The following ITGAL variants were observed in gnomAD, a reference collection of about 807,000 sequenced individuals.
ITGAL encodes the protein integrin subunit alpha L, also known as integrin alpha-L.
Under a neutral mutation model 138.4 loss-of-function variants are expected in ITGAL, and 68 were observed. The ratio of observed to expected loss-of-function variants is 0.49; its 90% CI spans 0.40 to 0.60. The LOEUF is 0.60. Ranked by LOEUF, ITGAL falls within the 20% of genes least tolerant of loss-of-function variation. The probability of loss-of-function intolerance (pLI) is 0.00; values close to 1 mark genes in which losing one functional copy is unlikely to be tolerated. For missense variants in ITGAL, 1,256 were observed against 1,478.6 expected (o/e 0.85, Z 2.47); for synonymous variants, 561 against 584.3 (o/e 0.96, Z 0.57).
intron 21 of ITGAL, 39 bp downstream of exon 21, chr16:30,506,895 C>G (rs909130384): frequency 1.2e-6 from 2 of 1,609,222 alleles, no homozygotes; most frequent in Admixed American, 3.4e-5. Flanking sequence ...GGCATCTGTT[C>G]GGCAGACACT....
intron 26 of ITGAL, 98 bp from the exon 27 acceptor site, chr16:30,517,551 C>G: frequency 1.0e-6 from 1 of 975,224 alleles, no homozygotes; most frequent in Non-Finnish European, 1.7e-6. Context: ...GATGTCTGAA[C>G]TCACCCAGGG....
intron 18 of ITGAL, chr16:30,505,035 A>AC: frequency 2.6e-6 from 1 of 390,728 alleles, no homozygotes; most frequent in Non-Finnish European, 4.6e-6. Context: ...AAAAAAAAAA[A>AC]AGAGCTGCCA....
chr16:30,518,353 G>A (rs2051201019), intron 28 of ITGAL, among the ~76,000 whole-genome samples: 1 of 151,594 alleles, frequency 6.6e-6, no homozygotes, highest in Admixed American at 6.6e-5. Flanking sequence ...AGAGGCTGAG[G>A]CATGAGAATC....
intron 23 of ITGAL, 27 bp downstream of exon 23, chr16:30,510,987 C>T: frequency 6.2e-7 from 1 of 1,613,152 alleles, no homozygotes; most frequent in Non-Finnish European, 8.5e-7. Context: ...CACATCCCTG[C>T]CATGGTCTCA....
rs773563618 is a variant in ITGAL, at chr16:30,499,270, G to A, written c.1993+36G>A. ...TCCTCCTGCTCCCAGGGCAGCTGCC[G>A]CCCCAAATCCAGGCTTATGGCCTGG... On this transcript the variant is annotated intron_variant, in intron 16 of 30. Coordinates refer to ENST00000356798, the MANE Select transcript of ITGAL (RefSeq NM_002209.3). The A allele has an allele frequency of 3.7e-5, 59 of 1,612,696 alleles. No homozygotes were observed. The East Asian group carries it at 6.9e-4, about 19-fold the overall frequency.
In ITGAL at chr16:30,479,462, GT is replaced by G. The variant is rs752935434; in HGVS notation, c.576+2del. 13 of 1,613,770 alleles carry G rather than the reference GT, an allele frequency of 8.1e-6. No homozygotes were observed. The stretch of plus-strand genomic sequence containing the variant: ...GAAACTCAGCAACACTTCGTACCAG[GT>G]AAAAAAGTTAGTTAGGATTCTTGGT... On this transcript the variant is annotated splice_donor_variant, in intron 6 of 30. Transcript: ENST00000356798. LOFTEE classifies it high-confidence loss of function.
chr16:30,517,881 G>C lies in ITGAL; in HGVS notation c.3118G>C (p.Val1040Leu). The change falls in exon 28 of 31, where the codon GTG (valine) becomes CTG (leucine). Residue 1040 changes from valine (V) to leucine (L), a missense_variant. Physicochemically the swap from Val to Leu is conservative, Grantham distance 32. Around this residue, in one of 3 missense-constraint regions of ITGAL, gnomAD observed 867 missense variants for 972.5 expected, o/e 0.89. Coordinates refer to ENST00000356798, the MANE Select transcript of ITGAL (RefSeq NM_002209.3). ...CCAAGTGATCGGGACTCTGGAGCTG[G>C]TGGGAGAGATCGAGGTAGTCCCCGC... ...LVQVIGTLEL[V>L]GEIEASSMFS... 1 of 1,614,064 alleles carries C rather than the reference G, an allele frequency of 6.2e-7. No homozygotes were observed. Among genetic ancestry groups the C allele is most frequent in the Non-Finnish European group, 8.5e-7 (1 of 1,180,022 alleles).
intron 17 of ITGAL, among the ~76,000 whole-genome samples, chr16:30,502,396 CAAAAAAA>C (rs57501055): frequency 2.5e-5 from 2 of 80,096 alleles, no homozygotes; most frequent in Non-Finnish European, 5.8e-5. Context: ...GACTCCATCT[CAAAAAAA>C]AAAAAAAAAA....
At chr16:30,499,714 T>TATATATATATGTGTATATATATATAC (rs1491542277) in intron 17 of ITGAL, among the ~76,000 whole-genome samples, 12 of 103,904 alleles carry the variant, frequency 1.2e-4, no homozygotes, top group African/African-American at 5.5e-4. Context: ...TATATATATG[T>TATATATATATGTGTATATATATATAC]ATATATATAT....
At chr16:30,505,366 C>G (rs766511941) in intron 19 of ITGAL, 23 bp from the exon 20 acceptor site, 1 of 1,613,608 alleles carries the variant, frequency 6.2e-7, no homozygotes, top group South Asian at 1.1e-5. Context: ...GAGCCTGTTA[C>G]TCCTTTCTTC....
At chr16:30,478,374 C>T (rs1169992098) in intron 4 of ITGAL, among the ~76,000 whole-genome samples, 2 of 129,558 alleles carry the variant, frequency 1.5e-5, no homozygotes, top group South Asian at 2.6e-4. Context: ...AAGTGGGGGG[C>T]GGAGGGGAGG....
intron 25 of ITGAL, among the ~76,000 whole-genome samples, chr16:30,515,052 T>C (rs2051146720): frequency 6.6e-6 from 1 of 152,036 alleles, no homozygotes; most frequent in Admixed American, 6.6e-5. Flanking sequence ...CTCAAACTCC[T>C]GACCTCAGGT....
Position 30,518,641 on chromosome 16 carries a change from C to A in ITGAL, c.3150C>A (p.Ser1050Arg). 3 of 1,613,760 alleles carry A rather than the reference C, an allele frequency of 1.9e-6. No homozygotes were observed. Among genetic ancestry groups the A allele is most frequent in the Middle Eastern group, 1.6e-4 (1 of 6,062 alleles). Residue 1050 changes from serine to arginine, a missense_variant, in exon 29 of 31, where the codon AGC becomes AGA. Transcript: ENST00000356798. Reference protein sequence around the residue: ...VGEIEASSMFSLCSSLSISFN... With the variant: ...VGEIEASSMFRLCSSLSISFN... ...TCCCACAGGCCTCTTCCATGTTCAG[C>A]CTCTGCAGCTCCCTCTCCATCTCCT...
chr16:30,521,755 C>T lies in ITGAL; in HGVS notation c.*90C>T, dbSNP rs2051257697. Reference sequence around the variant, plus strand: ...CTGCCTGCATTCTGCCGTGTGCCCTCGGGCGAGTCACTGCCTCTCCCTGGC... The same window carrying T: ...CTGCCTGCATTCTGCCGTGTGCCCTTGGGCGAGTCACTGCCTCTCCCTGGC... On this transcript the variant is annotated 3_prime_UTR_variant, in exon 31 of 31. Coordinates refer to ENST00000356798, the MANE Select transcript of ITGAL (RefSeq NM_002209.3). 6 of 1,297,002 alleles carry T rather than the reference C, an allele frequency of 4.6e-6. No individual in the cohort carries two copies. Among genetic ancestry groups the T allele is most frequent in the Admixed American group, 2.3e-5 (1 of 44,334 alleles). The allele number at this position is 1,297,002 out of a possible 1,614,324, so 80.3% of individuals were successfully genotyped here.
At chr16:30,505,526 C>G in intron 20 of ITGAL, 64 bp downstream of exon 20, 1 of 1,202,534 alleles carries the variant, frequency 8.3e-7, no homozygotes, top group Non-Finnish European at 1.2e-6. Context: ...CCACTCCACT[C>G]ACCAGATATG....
chr16:30,483,731 G>C, intron 7 of ITGAL, 96 bp from the exon 8 acceptor site: 1 of 1,369,308 alleles, frequency 7.3e-7, no homozygotes, highest in Non-Finnish European at 1.0e-6. Flanking sequence ...GGGCTTTTGC[G>C]TAACCAGCAT....
chr16:30,481,960 C>T (rs769227903), intron 7 of ITGAL, among the ~76,000 whole-genome samples: 5 of 151,950 alleles, frequency 3.3e-5, no homozygotes, highest in Admixed American at 6.6e-5. Flanking sequence ...GGCATGATCT[C>T]GGCTCACTGC....
intron 16 of ITGAL, 48 bp downstream of exon 16, chr16:30,499,282 G>C: frequency 6.2e-7 from 1 of 1,613,076 alleles, no homozygotes; most frequent in South Asian, 1.1e-5. Context: ...CCCAAATCCA[G>C]GCTTATGGCC....
At chr16:30,476,152 G>A (rs1159691667) in intron 4 of ITGAL, among the ~76,000 whole-genome samples, 2 of 151,998 alleles carry the variant, frequency 1.3e-5, no homozygotes, top group Non-Finnish European at 2.9e-5. Context: ...GCAGGAGGCT[G>A]AGGCAGGAGA....
Sources: allele counts gnomAD v4.1 joint callset (sites outside exome capture counted in the v4.1 genomes callset), GRCh38; gene constraint gnomAD v4.1.1; regional missense constraint gnomAD v4.1.1; transcripts MANE v1.5; gene names NCBI Gene and HGNC (gene_info 2026-07-23, HGNC 2026-07-21).